Variants in FTSJ3 observed in about 807,000 individuals in gnomAD.
FTSJ3 encodes the protein pre-rRNA 2'-O-ribose RNA methyltransferase FTSJ3.
In FTSJ3, 46 loss-of-function variants were observed where a neutral mutation model predicts 111.5. The ratio of observed to expected loss-of-function variants is 0.41; its 90% CI spans 0.33 to 0.53. FTSJ3 has a LOEUF of 0.53. FTSJ3 is among the 20% of genes least tolerant of loss of function. The pLI is 0.19. For missense variants in FTSJ3, 1,075 were observed against 1,063.8 expected (o/e 1.01, Z -0.15); for synonymous variants, 408 against 383.0 (o/e 1.07, Z -0.76).
intron 13 of FTSJ3, among the ~76,000 whole-genome samples, chr17:63,822,984 A>G (rs1226606375): frequency 6.6e-6 from 1 of 152,182 alleles, no homozygotes; most frequent in Admixed American, 6.5e-5. Flanking sequence ...AGAGCTGGGA[A>G]GGAAACCTGA....
At chr17:63,825,827 G>A (rs549044625) in intron 5 of FTSJ3, 192 bp from the exon 6 acceptor site, 2 of 630,464 alleles carry the variant, frequency 3.2e-6, no homozygotes, top group East Asian at 5.4e-5. Flanking sequence ...GAATTCACAG[G>A]AGAAGACTTC....
rs61732746 is a variant in FTSJ3, at chr17:63,826,572, C to T, written c.168G>A (p.Gly56=). 3,169 of 1,613,214 alleles carry T rather than the reference C, an allele frequency of 2.0e-3. 44 individuals carry two copies. The African/African-American group carries it at 0.032, about 16-fold the overall frequency. The part of the protein sequence containing the change: ...RALLDLCAAP[G]GWLQVAAKFM... ...CTGTGGCGAGTGTTACGAACCATCC[C>T]CCTGGCGCAGCACACAGGTCCAGCA... The change falls in exon 3 of 21, where the codon GGG becomes GGA. Residue 56 remains glycine, a synonymous_variant. Transcript: ENST00000427159.
chr17:63,826,102 T>G lies in FTSJ3; in HGVS notation c.254A>C (p.Asn85Thr), dbSNP rs115628816. Residue 85 changes from asparagine to threonine, a missense_variant, in exon 5 of 21, where the codon AAT (asparagine) becomes ACT (threonine). Coordinates refer to ENST00000427159, the MANE Select transcript of FTSJ3 (RefSeq NM_017647.4). ...GATGTCCTGCTGGAGAGTCACCACATTGGGGAGAGGCTTGATTGGAACCAG... is the reference window on the plus strand; with the variant it reads ...GATGTCCTGCTGGAGAGTCACCACAGTGGGGAGAGGCTTGATTGGAACCAG... The part of the protein sequence containing the change: ...VDLVPIKPLP[N>T]VVTLQQDITT... 1.2e-6 allele frequency: 2 copies of G among 1,613,898 alleles called. No homozygotes were observed. Among genetic ancestry groups the G allele is most frequent in the East Asian group, 2.2e-5 (1 of 44,888 alleles).
chr17:63,821,345 A>G lies in FTSJ3; in HGVS notation c.1886+9T>C, dbSNP rs1022184468. On this transcript the variant is annotated intron_variant, in intron 16 of 20. Coordinates refer to ENST00000427159, the MANE Select transcript of FTSJ3 (RefSeq NM_017647.4). ...CTTTCCATCCCTTCTCTCAGCTGCA[A>G]CTACTCACCTCTCTTCTTCCTCACT... is the stretch of plus-strand genomic sequence containing the variant. 4 of 1,594,304 alleles carry G rather than the reference A, an allele frequency of 2.5e-6. No individual in the cohort carries two copies. Among genetic ancestry groups the G allele is most frequent in the Admixed American group, 1.7e-5 (1 of 57,840 alleles).
Position 63,823,841 on chromosome 17 carries a change from G to A in FTSJ3, c.1266C>T (p.Ser422=). 2 of 1,614,102 alleles carry A rather than the reference G, an allele frequency of 1.2e-6. No homozygotes were observed. Among genetic ancestry groups the A allele is most frequent in the Non-Finnish European group, 1.7e-6 (2 of 1,180,032 alleles). Residue 422 remains serine (S), a synonymous_variant, in exon 13 of 21, where the codon TCC becomes TCT. Transcript: ENST00000427159. ...IADEGETGMF[S]LSTIRGHQLL... Reference sequence around the variant, plus strand: ...CCTGGTGACCCCGGATGGTGCTCAAGGAGAACATGCCAGTCTCCCCCTCGT... The same window carrying A: ...CCTGGTGACCCCGGATGGTGCTCAAAGAGAACATGCCAGTCTCCCCCTCGT...
intron 20 of FTSJ3, 39 bp from the exon 21 acceptor site, chr17:63,820,033 T>C: frequency 6.2e-7 from 1 of 1,614,052 alleles, no homozygotes; most frequent in Non-Finnish European, 8.5e-7. Flanking sequence ...GCTTGCTTTC[T>C]GCTGCACTTT....
chr17:63,825,741 A>C, intron 5 of FTSJ3, 106 bp from the exon 6 acceptor site: 1 of 911,764 alleles, frequency 1.1e-6, no homozygotes. Flanking sequence ...GGCCAAATGC[A>C]GTACCAGGCA....
intron 14 of FTSJ3, 47 bp downstream of exon 14, chr17:63,821,937 C>T (rs2040055775): frequency 1.9e-6 from 3 of 1,612,364 alleles, no homozygotes; most frequent in African/African-American, 1.3e-5. Flanking sequence ...CACCCTAACA[C>T]TTCCTCAGAG....
In FTSJ3 at chr17:63,826,341, T is replaced by C. The variant is rs747402560; in HGVS notation, c.174-37A>G. On this transcript the variant is annotated intron_variant, in intron 3 of 20. Transcript: ENST00000427159. Reference sequence around the variant, plus strand: ...ACAGAAATTTAAAAACCTAGAGCCATCCTTTTCCCCCTCTTGGCAACTGAT... The same window carrying C: ...ACAGAAATTTAAAAACCTAGAGCCACCCTTTTCCCCCTCTTGGCAACTGAT... 2.5e-6 allele frequency: 4 copies of C among 1,604,560 alleles called. No homozygotes were observed. The South Asian group carries it at 4.4e-5, about 18-fold the overall frequency.
At position 63,824,239 on chromosome 17, in the gene FTSJ3, G is replaced by A; in HGVS notation, c.999C>T (p.Ser333=). The change falls in exon 12 of 21, where the codon AGC becomes AGT. Residue 333 remains serine, a splice_region_variant and synonymous_variant. Transcript: ENST00000427159. ...LKEQAKALDI[S]LSSGEEDEGD... ...CTTCATCTTCCTCTCCAGAGCTGAGGCTGGCAAAACAGTCCCAAGAGTTGG... is the reference window on the plus strand; with the variant it reads ...CTTCATCTTCCTCTCCAGAGCTGAGACTGGCAAAACAGTCCCAAGAGTTGG... 1.2e-6 allele frequency: 2 copies of A among 1,614,140 alleles called. No individual in the cohort carries two copies. The highest frequency in any genetic ancestry group is 1.7e-6 in the Non-Finnish European group (2 of 1,180,040).
chr17:63,826,583 C>T lies in FTSJ3; in HGVS notation c.157G>A (p.Ala53Thr). Residue 53 changes from alanine to threonine, a missense_variant, in exon 3 of 21, where the codon GCT (alanine) becomes ACT (threonine). Physicochemically the swap from Ala to Thr is moderately conservative, Grantham distance 58. Coordinates refer to ENST00000427159, the MANE Select transcript of FTSJ3 (RefSeq NM_017647.4). ...QKARALLDLCAAPGGWLQVAA... is the reference protein window; with the variant it reads ...QKARALLDLCTAPGGWLQVAA... ...GTTACGAACCATCCCCCTGGCGCAG[C>T]ACACAGGTCCAGCAAGGCTCGGGCT... 2 of 1,613,768 alleles carry T rather than the reference C, an allele frequency of 1.2e-6. No individual in the cohort carries two copies. Among genetic ancestry groups the T allele is most frequent in the Non-Finnish European group, 1.7e-6 (2 of 1,179,692 alleles).
In FTSJ3 at chr17:63,824,210, T is replaced by C; in HGVS notation, c.1028A>G (p.Asp343Gly). Reference protein sequence around the residue: ...SLSSGEEDEGDEEDSTAGTTK... With the variant: ...SLSSGEEDEGGEEDSTAGTTK... ...GGTTCCAGCTGTTGAGTCCTCCTCA[T>C]CACCTTCATCTTCCTCTCCAGAGCT... Residue 343 changes from aspartate (D) to glycine (G), a missense_variant, in exon 12 of 21, where the codon GAT (aspartate) becomes GGT (glycine). This residue lies in a region of FTSJ3 where 867 missense variants were observed against 796.9 expected (regional missense o/e 1.09). Transcript: ENST00000427159. 1 of 1,614,170 alleles carries C rather than the reference T, an allele frequency of 6.2e-7. No homozygotes were observed. Among genetic ancestry groups the C allele is most frequent in the South Asian group, 1.1e-5 (1 of 91,090 alleles).
In FTSJ3 at chr17:63,819,467, G is replaced by T; in HGVS notation, c.*335C>A. 1 of 250,364 alleles carries T rather than the reference G, an allele frequency of 4.0e-6. No individual in the cohort carries two copies. Among genetic ancestry groups the T allele is most frequent in the Non-Finnish European group, 7.7e-6 (1 of 129,850 alleles). 15.5% of individuals were successfully genotyped at this position (250,364 alleles called of 1,614,324 possible). ...CCTGGTTTTATTCAGGAATAGGATG[G>T]GGGTGGGGAGGGCTTAAGTGGCCCA... On this transcript the variant is annotated 3_prime_UTR_variant, in exon 21 of 21. Transcript: ENST00000427159.
Position 63,820,887 on chromosome 17 carries a change from G to A in FTSJ3, c.2024C>T (p.Ala675Val). ...GTCTCTCTTGGCCTTTTTGGAAGAG[G>A]CAATAACAGCACCTAGAGCAAGGCC... The part of the protein sequence containing the change: ...PEGLALGAVI[A>V]SSKKAKRDLI... Residue 675 changes from alanine to valine, a missense_variant, in exon 18 of 21, where the codon GCC becomes GTC. By Grantham distance (64) the Ala-to-Val change is moderately conservative. Around this residue, in one of 2 missense-constraint regions of FTSJ3, gnomAD observed 867 missense variants for 796.9 expected, o/e 1.09. Coordinates refer to ENST00000427159, the MANE Select transcript of FTSJ3 (RefSeq NM_017647.4). The A allele has an allele frequency of 3.1e-6, 5 of 1,614,128 alleles. No individual in the cohort carries two copies. The highest frequency in any genetic ancestry group is 4.2e-6 in the Non-Finnish European group (5 of 1,179,988).
Position 63,824,206 on chromosome 17 carries a change from C to T in FTSJ3, c.1032G>A (p.Glu344=), listed in dbSNP as rs115601892. 3 of 1,614,014 alleles carry T rather than the reference C, an allele frequency of 1.9e-6. No homozygotes were observed. Among genetic ancestry groups the T allele is most frequent in the Admixed American group, 1.7e-5 (1 of 60,002 alleles). The change falls in exon 12 of 21, where the codon GAG becomes GAA. Residue 344 remains glutamate, a synonymous_variant. Transcript: ENST00000427159. ...LSSGEEDEGD[E]EDSTAGTTKQ... ...TTGTGGTTCCAGCTGTTGAGTCCTC[C>T]TCATCACCTTCATCTTCCTCTCCAG...
At position 63,824,524 on chromosome 17, in the gene FTSJ3, C is replaced by G; in HGVS notation, c.917+113G>C. The G allele has an allele frequency of 2.1e-6, 3 of 1,423,576 alleles. No homozygotes were observed. The South Asian group carries it at 3.4e-5, about 16-fold the overall frequency. The allele number at this position is 1,423,576 out of a possible 1,614,324, so 88.2% of individuals were successfully genotyped here. A position where few individuals can be genotyped will look rare whatever the true frequency, so the allele number is the denominator to read the frequency against. On this transcript the variant is annotated intron_variant, in intron 10 of 20. Coordinates refer to ENST00000427159, the MANE Select transcript of FTSJ3 (RefSeq NM_017647.4). ...CTTCGGCTACATAAATCAAAAGGCT[C>G]AGGCCCCCATCCCAAACCTTTAGCA...
In FTSJ3 at chr17:63,827,656, C is replaced by G. The variant is rs1487406884; in HGVS notation, c.-631G>C. ...AGTCCATGCTGGACGCTGCCTGCGA[C>G]CGGATCTGCTGTGTCAGCGCCGCCC... On this transcript the variant is annotated 5_prime_UTR_variant, in exon 1 of 21. Transcript: ENST00000427159. 1 of 1,503,602 alleles carries G rather than the reference C, an allele frequency of 6.7e-7. No homozygotes were observed. The highest frequency in any genetic ancestry group is 8.9e-7 in the Non-Finnish European group (1 of 1,122,576). The allele number at this position is 1,503,602 out of a possible 1,614,324, so 93.1% of individuals were successfully genotyped here. A position where few individuals can be genotyped will look rare whatever the true frequency, so the allele number is the denominator to read the frequency against.
Position 63,826,310 on chromosome 17 carries a change from A to G in FTSJ3, c.174-6T>C, listed in dbSNP as rs1356991811. 3 of 1,613,876 alleles carry G rather than the reference A, an allele frequency of 1.9e-6. No homozygotes were observed. The South Asian group carries it at 3.3e-5, about 18-fold the overall frequency. Reference sequence around the variant, plus strand: ...ACTTGGCAGCTACCTGCAGCCTATAAAAGGAACAGAAATTTAAAAACCTAG... The same window carrying G: ...ACTTGGCAGCTACCTGCAGCCTATAGAAGGAACAGAAATTTAAAAACCTAG... On this transcript the variant is annotated splice_region_variant and splice_polypyrimidine_tract_variant and intron_variant, in intron 3 of 20. Coordinates refer to ENST00000427159, the MANE Select transcript of FTSJ3 (RefSeq NM_017647.4).
At position 63,819,693 on chromosome 17, in the gene FTSJ3, C is replaced by A; in HGVS notation, c.*109G>T. Reference sequence around the variant, plus strand: ...GCACTCCACCTCACTGTTCTTCAGACAGCTGTGATGTGAGCAGGGGCTAGG... The same window carrying A: ...GCACTCCACCTCACTGTTCTTCAGAAAGCTGTGATGTGAGCAGGGGCTAGG... On this transcript the variant is annotated 3_prime_UTR_variant, in exon 21 of 21. Transcript: ENST00000427159. 1 of 1,023,640 alleles carries A rather than the reference C, an allele frequency of 9.8e-7. No homozygotes were observed. The highest frequency in any genetic ancestry group is 2.4e-5 in the East Asian group (1 of 41,792). 63.4% of individuals were successfully genotyped at this position (1,023,640 alleles called of 1,614,324 possible).
Sources: allele counts gnomAD v4.1 joint callset (sites outside exome capture counted in the v4.1 genomes callset), GRCh38; gene constraint gnomAD v4.1.1; regional missense constraint gnomAD v4.1.1; transcripts MANE v1.5; gene names NCBI Gene and HGNC (gene_info 2026-07-23, HGNC 2026-07-21).